GRID2: variants seen among roughly 807,000 people sequenced by gnomAD.
GRID2 encodes glutamate receptor ionotropic, delta-2.
In GRID2, 33 loss-of-function variants were observed where a neutral mutation model predicts 114.8. The observed-to-expected ratio is 0.29, with a 90% CI of 0.22 to 0.38. The LOEUF (loss-of-function observed/expected upper bound fraction) is 0.38, where lower values mean the gene tolerates loss of function less well. Ranked by LOEUF, GRID2 falls within the 10% of genes least tolerant of loss-of-function variation. GRID2 has a pLI of 1.00. For missense variants in GRID2, 1,184 were observed against 1,257.7 expected, an observed-to-expected ratio of 0.94 and a Z score of 0.89; for synonymous variants, 505 against 449.9, an observed-to-expected ratio of 1.12 and a Z score of -1.55.
intron 2 of GRID2, among the ~76,000 whole-genome samples, chr4:93,048,148 G>T (rs1726341062): frequency 6.6e-6 from 1 of 151,988 alleles, no homozygotes; most frequent in African/African-American, 2.4e-5. Context: ...GTCATTTTTA[G>T]TAAGTCACGT....
At chr4:93,073,802 G>A (rs1188744539) in intron 2 of GRID2, among the ~76,000 whole-genome samples, 1 of 152,174 alleles carries the variant, frequency 6.6e-6, no homozygotes, top group African/African-American at 2.4e-5. Context: ...TGGGAGGCAG[G>A]AAACTCTCCA....
chr4:93,732,929 A>T (rs930615285), intron 14 of GRID2, among the ~76,000 whole-genome samples: 2 of 152,094 alleles, frequency 1.3e-5, no homozygotes, highest in Non-Finnish European at 2.9e-5. Flanking sequence ...AATAAAAAAA[A>T]AAAAAGAAGA....
chr4:92,334,796 C>T (rs1211820279), intron 1 of GRID2, among the ~76,000 whole-genome samples: 2 of 152,188 alleles, frequency 1.3e-5, no homozygotes, highest in African/African-American at 2.4e-5. Context: ...GAAAAACCTA[C>T]ACTTGCTCTC....
chr4:92,655,443 G>C (rs767612381), intron 2 of GRID2, among the ~76,000 whole-genome samples: 1 of 151,772 alleles, frequency 6.6e-6, no homozygotes, highest in African/African-American at 2.4e-5. Context: ...GTTTTGACAA[G>C]GATTGGATTG....
At chr4:93,508,200 ATT>A (rs147557747) in intron 12 of GRID2, among the ~76,000 whole-genome samples, 65,573 of 140,076 alleles carry the variant, frequency 0.47, 14,816 homozygotes, top group Middle Eastern at 0.61. Flanking sequence ...TTTGTTTTTG[ATT>A]TTTTTTTTTT....
chr4:93,122,247 T>A (rs1194478469), intron 4 of GRID2, among the ~76,000 whole-genome samples: 2 of 152,186 alleles, frequency 1.3e-5, no homozygotes, highest in Non-Finnish European at 2.9e-5. Flanking sequence ...GAAGTTCATC[T>A]GAAATTAATT....
At chr4:92,558,323 C>T (rs1438463343) in intron 1 of GRID2, among the ~76,000 whole-genome samples, 1 of 152,080 alleles carries the variant, frequency 6.6e-6, no homozygotes, top group African/African-American at 2.4e-5. Flanking sequence ...TTGAAAATGT[C>T]ATTCTCCTAA....
chr4:93,541,985 A>G (rs951654111), intron 13 of GRID2, among the ~76,000 whole-genome samples: 2 of 152,150 alleles, frequency 1.3e-5, no homozygotes, highest in Non-Finnish European at 2.9e-5. Flanking sequence ...AAATTGAACT[A>G]TTTTACTTTA....
chr4:92,765,710 C>A (rs1738226631), intron 2 of GRID2, among the ~76,000 whole-genome samples: 1 of 152,086 alleles, frequency 6.6e-6, no homozygotes, highest in Non-Finnish European at 1.5e-5. Context: ...TTTTAAAGTG[C>A]ATTTTAGTAG....
chr4:92,850,223 A>G (rs1743671153), intron 2 of GRID2, among the ~76,000 whole-genome samples: 2 of 151,660 alleles, frequency 1.3e-5, no homozygotes, highest in South Asian at 2.1e-4. Context: ...AAGTGAATCT[A>G]CACTACATAC....
intron 2 of GRID2, among the ~76,000 whole-genome samples, chr4:92,925,861 T>C (rs964971471): frequency 6.6e-6 from 1 of 152,042 alleles, no homozygotes; most frequent in African/African-American, 2.4e-5. Context: ...TTTTATTTCA[T>C]TAATTTCACT....
At chr4:92,630,130 C>T (rs1730729573) in intron 2 of GRID2, among the ~76,000 whole-genome samples, 1 of 151,938 alleles carries the variant, frequency 6.6e-6, no homozygotes, top group Non-Finnish European at 1.5e-5. Context: ...CGGGTCTAGA[C>T]ATCTGTCATT....
At chr4:92,650,253 C>T (rs774563565) in intron 2 of GRID2, among the ~76,000 whole-genome samples, 61 of 152,072 alleles carry the variant, frequency 4.0e-4, no homozygotes, top group Non-Finnish European at 8.1e-4. Context: ...GTATTTATAA[C>T]GACCTTCTTC....
At chr4:92,937,695 G>A (rs1222448692) in intron 2 of GRID2, among the ~76,000 whole-genome samples, 1 of 146,542 alleles carries the variant, frequency 6.8e-6, no homozygotes, top group Admixed American at 7.4e-5. Context: ...CCTTCCACTG[G>A]ATTTTAGGAT....
chr4:93,145,537 C>T (rs1469047696), intron 4 of GRID2, among the ~76,000 whole-genome samples: 1 of 149,168 alleles, frequency 6.7e-6, no homozygotes, highest in Non-Finnish European at 1.5e-5. Context: ...TCTGAGCTCA[C>T]TGCAACCTCC....
At chr4:93,232,068 G>A (rs967441375) in intron 7 of GRID2, among the ~76,000 whole-genome samples, 8 of 152,102 alleles carry the variant, frequency 5.3e-5, no homozygotes, top group Non-Finnish European at 1.2e-4. Flanking sequence ...AATGACAAGA[G>A]TTGATTACCA....
intron 2 of GRID2, among the ~76,000 whole-genome samples, chr4:92,722,852 T>G (rs1179638765): frequency 6.7e-6 from 1 of 149,210 alleles, no homozygotes; most frequent in Admixed American, 6.8e-5. Flanking sequence ...GACCTGTTGA[T>G]GATTATGATT....
chr4:92,541,830 C>G (rs1473588765), intron 1 of GRID2, among the ~76,000 whole-genome samples: 1 of 151,864 alleles, frequency 6.6e-6, no homozygotes, highest in Non-Finnish European at 1.5e-5. Flanking sequence ...CCTGGTTGTT[C>G]ACCTTTCACC....
chr4:92,697,449 T>C (rs1734472118), intron 2 of GRID2, among the ~76,000 whole-genome samples: 1 of 152,164 alleles, frequency 6.6e-6, no homozygotes, highest in African/African-American at 2.4e-5. Context: ...TGATTCTTAA[T>C]TGCAAAAGAC....
Sources: allele counts gnomAD v4.1 joint callset (sites outside exome capture counted in the v4.1 genomes callset), GRCh38; gene constraint gnomAD v4.1.1; transcripts MANE v1.5; gene names NCBI Gene and HGNC (gene_info 2026-07-23, HGNC 2026-07-21).